ZFPM1: variants seen among roughly 807,000 people sequenced by gnomAD.
The protein encoded by ZFPM1 is zinc finger protein, FOG family member 1.
Under a neutral mutation model 46.3 loss-of-function variants are expected in ZFPM1, and 28 were observed. The ratio of observed to expected loss-of-function variants is 0.60; its 90% CI spans 0.45 to 0.83. The LOEUF is 0.83. Among genes scored for constraint, ZFPM1 ranks in the 40% least tolerant of loss-of-function variants. The pLI is 0.00. For missense variants in ZFPM1, 1,878 were observed against 1,432.4 expected (o/e 1.31, Z -5.02); for synonymous variants, 957 against 675.9 (o/e 1.42, Z -6.45).
Position 88,534,270 on chromosome 16 carries a change from C to CCGGAAGCGGAAG in ZFPM1, c.2322_2333dup (p.Ser775_Gly778dup), listed in dbSNP as rs1186350021. 2.0e-5 allele frequency: 23 copies of CCGGAAGCGGAAG among 1,123,908 alleles called. No homozygotes were observed. The East Asian group carries it at 8.8e-4, about 43-fold the overall frequency. The allele number at this position is 1,123,908 out of a possible 1,614,324, so 69.6% of individuals were successfully genotyped here. On this transcript the variant is annotated inframe_insertion, in exon 10 of 10. Transcript: ENST00000319555. ...GCCCCCGCGCCCGAGTCGCCGCGGC[C>CCGGAAGCGGAAG]CGGAAGCGGAAGCGGAAGCGGCCCC...
intron 5 of ZFPM1, 69 bp downstream of exon 5, chr16:88,526,985 T>G: frequency 6.6e-7 from 1 of 1,503,766 alleles, no homozygotes; most frequent in Non-Finnish European, 8.9e-7. Flanking sequence ...CCCCCTGGGC[T>G]GAGCCCTTAA....
intron 2 of ZFPM1, among the ~76,000 whole-genome samples, chr16:88,486,588 A>G (rs1909238101): frequency 6.9e-6 from 1 of 144,256 alleles, no homozygotes; most frequent in Admixed American, 6.9e-5. Flanking sequence ...TAGGTGCACC[A>G]TGGGCGCTGG....
chr16:88,473,976 T>C (rs1351426387), intron 1 of ZFPM1, among the ~76,000 whole-genome samples: 1 of 152,074 alleles, frequency 6.6e-6, no homozygotes, highest in African/African-American at 2.4e-5. Flanking sequence ...TATCAGTGGC[T>C]ATCAGGCCCA....
At chr16:88,458,565 G>A (rs566078823) in intron 1 of ZFPM1, among the ~76,000 whole-genome samples, 4 of 152,320 alleles carry the variant, frequency 2.6e-5, no homozygotes, top group Middle Eastern at 3.4e-3. Flanking sequence ...TGGGCTTGAC[G>A]GGCTTGTGAA....
intron 1 of ZFPM1, among the ~76,000 whole-genome samples, chr16:88,455,132 GGTGTGTGT>G (rs4047261): frequency 0.015 from 2,139 of 141,744 alleles, 37 homozygotes; most frequent in African/African-American, 0.049. Flanking sequence ...TCGGTTCTGG[GGTGTGTGT>G]GTGTGTGTGT....
chr16:88,452,828 G>A, upstream of ZFPM1, among the ~76,000 whole-genome samples: 1 of 152,202 alleles, frequency 6.6e-6, no homozygotes, highest in East Asian at 1.9e-4. Flanking sequence ...GAGAGGCGGG[G>A]CGCAGGATGC....
At chr16:88,512,517 G>T (rs376885332) in intron 3 of ZFPM1, among the ~76,000 whole-genome samples, 10 of 152,252 alleles carry the variant, frequency 6.6e-5, no homozygotes, top group East Asian at 5.8e-4. Context: ...GGGGCTTCTC[G>T]GACAAGGGGT....
chr16:88,508,690 G>T lies in ZFPM1; in HGVS notation c.269-5697G>T, dbSNP rs895760053. 2.0e-5 allele frequency among the ~76,000 whole-genome samples: 3 copies of T among 152,352 alleles called. 1 individual carries two copies. In the South Asian group the frequency reaches 6.2e-4, roughly 32 times the overall value. ...GGCCTGCTACTGAGGCTGCAGAGGG[G>T]ACACAGAGTTTGCGCGGAGGTCACG... On this transcript the variant is annotated intron_variant, in intron 3 of 9. Transcript: ENST00000319555.
chr16:88,504,606 G>A lies in ZFPM1; in HGVS notation c.269-9781G>A, dbSNP rs142684444. On this transcript the variant is annotated intron_variant, in intron 3 of 9. Transcript: ENST00000319555. ...AGGGTGCATGGAGAAAGAGCACCTCGCTGGGCCCCGTGCACAGACCCCTTA... is the reference window on the plus strand; with the variant it reads ...AGGGTGCATGGAGAAAGAGCACCTCACTGGGCCCCGTGCACAGACCCCTTA... 6.0e-3 allele frequency among the ~76,000 whole-genome samples: 913 copies of A among 152,304 alleles called. 8 individuals are homozygous for A. The highest frequency in any genetic ancestry group is 0.021 in the African/African-American group (875 of 41,560).
At chr16:88,528,280 AAGG>A in intron 6 of ZFPM1, 42 bp downstream of exon 6, 1 of 1,533,410 alleles carries the variant, frequency 6.5e-7, no homozygotes, top group Non-Finnish European at 8.9e-7. Flanking sequence ...CTGCTCCACC[AAGG>A]AGGAGCAGGC....
Position 88,533,454 on chromosome 16 carries a change from G to C in ZFPM1, c.1496G>C (p.Arg499Thr). 2.1e-6 allele frequency: 3 copies of C among 1,437,302 alleles called. No individual in the cohort carries two copies. The highest frequency in any genetic ancestry group is 1.8e-6 in the Non-Finnish European group (2 of 1,104,376). 89.0% of individuals were successfully genotyped at this position (1,437,302 alleles called of 1,614,324 possible). The stretch of plus-strand genomic sequence containing the variant: ...TCGCCGCGCAGCCCCGCCCCGGCCA[G>C]GGTCAAGGCCGAGCTGTCCAGCCCC... ...TPSPRSPAPARVKAELSSPTP... is the reference protein window; with the variant it reads ...TPSPRSPAPATVKAELSSPTP... The change falls in exon 10 of 10, where the codon AGG (arginine) becomes ACG (threonine). Residue 499 changes from arginine (R) to threonine (T), a missense_variant. Coordinates refer to ENST00000319555, the MANE Select transcript of ZFPM1 (RefSeq NM_153813.3).
intron 1 of ZFPM1, among the ~76,000 whole-genome samples, chr16:88,484,909 A>G (rs1195773337): frequency 6.6e-6 from 1 of 151,726 alleles, no homozygotes; most frequent in Non-Finnish European, 1.5e-5. Flanking sequence ...TGTCAGGTGG[A>G]CTCCTGGAGT....
At chr16:88,504,627 C>T (rs896841708) in intron 3 of ZFPM1, among the ~76,000 whole-genome samples, 7 of 152,200 alleles carry the variant, frequency 4.6e-5, no homozygotes, top group Non-Finnish European at 1.0e-4. Context: ...TGCACAGACC[C>T]CTTAAGGGTA....
chr16:88,514,601 T>C (rs1200827818), intron 4 of ZFPM1, 81 bp downstream of exon 4: 2 of 1,443,702 alleles, frequency 1.4e-6, no homozygotes, highest in Admixed American at 2.5e-5. Flanking sequence ...CCAGCTTAGA[T>C]GCCAGCTCCG....
chr16:88,466,544 G>A (rs543939371), intron 1 of ZFPM1, among the ~76,000 whole-genome samples: 5 of 152,248 alleles, frequency 3.3e-5, no homozygotes, highest in African/African-American at 1.2e-4. Flanking sequence ...GCCAAGCACA[G>A]AAAGGGCAGG....
At position 88,518,038 on chromosome 16, in the gene ZFPM1, G is replaced by A. The variant is rs185707835; in HGVS notation, c.402+3518G>A. On this transcript the variant is annotated intron_variant, in intron 4 of 9. Coordinates refer to ENST00000319555, the MANE Select transcript of ZFPM1 (RefSeq NM_153813.3). ...ATCCTGGCTAACATGGTGAAACCCC[G>A]TCTCTATTAAAAAAAAATTAGCCGG... Among the ~76,000 whole-genome samples, 18 of 152,100 alleles carry A rather than the reference G, an allele frequency of 1.2e-4. No individual in the cohort carries two copies. The South Asian group carries it at 2.9e-3, about 25-fold the overall frequency.
upstream of ZFPM1, among the ~76,000 whole-genome samples, chr16:88,452,062 C>G (rs1379276345): frequency 6.6e-6 from 1 of 152,106 alleles, no homozygotes; most frequent in African/African-American, 2.4e-5. Context: ...GTGCGATGAT[C>G]TCATCATCAG....
At chr16:88,524,284 A>T (rs1229537523) in intron 4 of ZFPM1, among the ~76,000 whole-genome samples, 1 of 152,142 alleles carries the variant, frequency 6.6e-6, no homozygotes. Flanking sequence ...GCCGGGACAC[A>T]GTAGCCGCCG....
chr16:88,508,348 C>G (rs139705666), intron 3 of ZFPM1, among the ~76,000 whole-genome samples: 30 of 152,320 alleles, frequency 2.0e-4, no homozygotes, highest in African/African-American at 7.2e-4. Flanking sequence ...GTCCCCCATG[C>G]ATTTCTCACC....
Sources: allele counts gnomAD v4.1 joint callset (sites outside exome capture counted in the v4.1 genomes callset), GRCh38; gene constraint gnomAD v4.1.1; transcripts MANE v1.5; gene names NCBI Gene and HGNC (gene_info 2026-07-23, HGNC 2026-07-21).